The following ZDHHC5 variants were observed in gnomAD, a reference collection of about 807,000 sequenced individuals.
ZDHHC5 encodes the protein palmitoyltransferase ZDHHC5.
ZDHHC5 carries 22 observed loss-of-function variants against 70.0 expected under a neutral mutation model. The observed-to-expected ratio is 0.31, with a 90% CI of 0.22 to 0.45. The LOEUF is 0.45. ZDHHC5 is among the 20% of genes least tolerant of loss of function. ZDHHC5 has a pLI of 1.00. For missense variants in ZDHHC5, 746 were observed against 926.9 expected (o/e 0.80, Z 2.53); for synonymous variants, 313 against 347.8 (o/e 0.90, Z 1.11).
At chr11:57,685,080 A>G (rs1034502413) in intron 3 of ZDHHC5, among the ~76,000 whole-genome samples, 1 of 151,890 alleles carries the variant, frequency 6.6e-6, no homozygotes, top group African/African-American at 2.4e-5. Flanking sequence ...TGGGGGAGGC[A>G]GAGTTTGCAG....
intron 2 of ZDHHC5, 72 bp downstream of exon 2, chr11:57,673,266 C>T: frequency 6.6e-7 from 1 of 1,515,230 alleles, no homozygotes; most frequent in Non-Finnish European, 9.1e-7. Flanking sequence ...AACGCTTTCT[C>T]TTGAGTTTTG....
intron 7 of ZDHHC5, 24 bp downstream of exon 7, chr11:57,692,726 T>A: frequency 6.2e-7 from 1 of 1,611,940 alleles, no homozygotes; most frequent in Non-Finnish European, 8.5e-7. Flanking sequence ...TCTGGTCTAG[T>A]GTTTACCATT....
In ZDHHC5 at chr11:57,699,230, T is replaced by C; in HGVS notation, c.1794T>C (p.Thr598=). Residue 598 remains threonine (T), a synonymous_variant, in exon 11 of 12, where the codon ACT becomes ACC. Coordinates refer to ENST00000287169, the MANE Select transcript of ZDHHC5 (RefSeq NM_015457.3). Reference sequence around the variant, plus strand: ...CAAAGAGATCACCTTTGGGCAAGACTCCACTGGGACGCCCAGCTGTCCCCC... The same window carrying C: ...CAAAGAGATCACCTTTGGGCAAGACCCCACTGGGACGCCCAGCTGTCCCCC... The part of the protein sequence containing the change: ...DDSKRSPLGK[T]PLGRPAVPRF... 6.2e-7 allele frequency: 1 copy of C among 1,614,238 alleles called. No homozygotes were observed. The highest frequency in any genetic ancestry group is 8.5e-7 in the Non-Finnish European group (1 of 1,180,040).
chr11:57,698,439 T>C (rs550634358), intron 10 of ZDHHC5, 120 bp from the exon 11 acceptor site: 2 of 1,336,776 alleles, frequency 1.5e-6, no homozygotes, highest in African/African-American at 2.9e-5. Flanking sequence ...AGATAATGCA[T>C]GTAAGAGTTC....
At chr11:57,679,056 A>G (rs1345422160) in intron 2 of ZDHHC5, among the ~76,000 whole-genome samples, 1 of 152,088 alleles carries the variant, frequency 6.6e-6, no homozygotes. Context: ...GAACTTAACC[A>G]TTTTTTTGTA....
At chr11:57,678,902 C>T (rs1946109510) in intron 2 of ZDHHC5, among the ~76,000 whole-genome samples, 1 of 152,166 alleles carries the variant, frequency 6.6e-6, no homozygotes, top group Non-Finnish European at 1.5e-5. Context: ...CTTTCTCCTT[C>T]ATTCTCATGT....
At position 57,672,748 on chromosome 11, in the gene ZDHHC5, C is replaced by T. The variant is rs1323056161; in HGVS notation, c.-343C>T. On this transcript the variant is annotated 5_prime_UTR_variant, in exon 2 of 12. Coordinates refer to ENST00000287169, the MANE Select transcript of ZDHHC5 (RefSeq NM_015457.3). ...CTGTATCTTGATCTGTCTGACTGTC[C>T]ATGTTTTCCACCTGCAACCATTTGC... 1 of 236,660 alleles carries T rather than the reference C, an allele frequency of 4.2e-6. No individual in the cohort carries two copies. The highest frequency in any genetic ancestry group is 8.3e-6 in the Non-Finnish European group (1 of 120,482). 14.7% of individuals were successfully genotyped at this position (236,660 alleles called of 1,614,324 possible). A position where few individuals can be genotyped will look rare whatever the true frequency, so the allele number is the denominator to read the frequency against.
At chr11:57,696,706 C>G in intron 9 of ZDHHC5, 55 bp from the exon 10 acceptor site, 1 of 1,538,772 alleles carries the variant, frequency 6.5e-7, no homozygotes, top group East Asian at 2.3e-5. Flanking sequence ...GACCCTGTCT[C>G]TTAAACCAAA....
chr11:57,688,371 T>C, intron 3 of ZDHHC5, 137 bp from the exon 4 acceptor site: 4 of 1,014,342 alleles, frequency 3.9e-6, no homozygotes, highest in Admixed American at 4.0e-5. Context: ...CACAGTCTTA[T>C]AGTTCCTAGT....
Position 57,668,936 on chromosome 11 carries a change from G to A in ZDHHC5, c.-1071+749G>A, listed in dbSNP as rs375350768. ...GTTGCTAAAAGTTAGGAAGGCAGTT[G>A]TAGGATCACATATACGTTATACGCT... On this transcript the variant is annotated intron_variant, in intron 1 of 11. Transcript: ENST00000287169. 3.9e-5 allele frequency among the ~76,000 whole-genome samples: 6 copies of A among 152,352 alleles called. No individual in the cohort carries two copies. The East Asian group carries it at 9.6e-4, about 24-fold the overall frequency.
intron 3 of ZDHHC5, among the ~76,000 whole-genome samples, chr11:57,682,866 A>G (rs897211020): frequency 1.3e-5 from 2 of 152,190 alleles, no homozygotes; most frequent in Non-Finnish European, 2.9e-5. Flanking sequence ...GTTGGATGCT[A>G]TTTTTAGGTA....
At chr11:57,685,476 G>A (rs896253785) in intron 3 of ZDHHC5, among the ~76,000 whole-genome samples, 5 of 151,976 alleles carry the variant, frequency 3.3e-5, no homozygotes, top group Admixed American at 6.6e-5. Flanking sequence ...GCGAAACCCC[G>A]TCTCTACTAA....
Position 57,693,866 on chromosome 11 carries a change from C to G in ZDHHC5, c.836C>G (p.Thr279Ser), listed in dbSNP as rs375821487. The G allele has an allele frequency of 1.9e-6, 3 of 1,612,974 alleles. No homozygotes were observed. The African/African-American group carries it at 4.0e-5, about 22-fold the overall frequency. ...CCAGAAGTTTCAGATGGGCAGATAA[C>G]TGTGAAGATCATGGATAATGGCATC... ...LRPEVSDGQI[T>S]VKIMDNGIQG... is the part of the protein sequence containing the mutation. Residue 279 changes from threonine to serine, a missense_variant, in exon 8 of 12, where the codon ACT (threonine) becomes AGT (serine). Around this residue, in one of 6 missense-constraint regions of ZDHHC5, gnomAD observed 114 missense variants for 179.3 expected, o/e 0.64. Transcript: ENST00000287169.
In ZDHHC5 at chr11:57,693,771, C is replaced by G. The variant is rs1946315262; in HGVS notation, c.753-12C>G. 2 of 1,548,470 alleles carry G rather than the reference C, an allele frequency of 1.3e-6. No individual in the cohort carries two copies. The highest frequency in any genetic ancestry group is 1.7e-6 in the Non-Finnish European group (2 of 1,146,744). On this transcript the variant is annotated splice_polypyrimidine_tract_variant and intron_variant, in intron 7 of 11. Coordinates refer to ENST00000287169, the MANE Select transcript of ZDHHC5 (RefSeq NM_015457.3). ...TCGCTGTGTCTCTCTCTCTCTCTCT[C>G]TCGACACTTAGGTATTTGGGGAGAC...
chr11:57,680,718 TTCTC>T (rs1247969985), intron 2 of ZDHHC5, among the ~76,000 whole-genome samples: 1 of 152,212 alleles, frequency 6.6e-6, no homozygotes, highest in Non-Finnish European at 1.5e-5. Context: ...GGTTTTCAGT[TTCTC>T]TCCCTCCTTC....
Position 57,698,794 on chromosome 11 carries a change from C to T in ZDHHC5, c.1358C>T (p.Ser453Phe). The T allele has an allele frequency of 6.2e-7, 1 of 1,614,242 alleles. No individual in the cohort carries two copies. The highest frequency in any genetic ancestry group is 1.1e-5 in the South Asian group (1 of 91,084). ...LQSIRSEGTT[S>F]TSYKSLANQT... ...TCCATTCGTTCAGAGGGCACCACCTCCACCTCCTATAAGAGCCTGGCCAAC... is the reference window on the plus strand; with the variant it reads ...TCCATTCGTTCAGAGGGCACCACCTTCACCTCCTATAAGAGCCTGGCCAAC... The change falls in exon 11 of 12, where the codon TCC becomes TTC. Residue 453 changes from serine (S) to phenylalanine (F), a missense_variant. Physicochemically the swap from Ser to Phe is radical, Grantham distance 155. Coordinates refer to ENST00000287169, the MANE Select transcript of ZDHHC5 (RefSeq NM_015457.3).
intron 6 of ZDHHC5, among the ~76,000 whole-genome samples, chr11:57,690,791 T>C (rs149596918): frequency 5.1e-4 from 77 of 152,212 alleles, no homozygotes; most frequent in African/African-American, 1.7e-3. Flanking sequence ...AGGTGGGAAC[T>C]GAACAATGAG....
chr11:57,698,766 C>G lies in ZDHHC5; in HGVS notation c.1330C>G (p.Gln444Glu), dbSNP rs765413074. 7 of 1,614,082 alleles carry G rather than the reference C, an allele frequency of 4.3e-6. No individual in the cohort carries two copies. The highest frequency in any genetic ancestry group is 5.1e-6 in the Non-Finnish European group (6 of 1,180,036). Reference protein sequence around the residue: ...QGTGFELGQLQSIRSEGTTST... With the variant: ...QGTGFELGQLESIRSEGTTST... Reference sequence around the variant, plus strand: ...CACAGGCTTTGAGCTGGGCCAGTTGCAATCCATTCGTTCAGAGGGCACCAC... The same window carrying G: ...CACAGGCTTTGAGCTGGGCCAGTTGGAATCCATTCGTTCAGAGGGCACCAC... The change falls in exon 11 of 12, where the codon CAA (glutamine) becomes GAA (glutamate). Residue 444 changes from glutamine to glutamate, a missense_variant. Physicochemically the swap from Gln to Glu is conservative, Grantham distance 29. Coordinates refer to ENST00000287169, the MANE Select transcript of ZDHHC5 (RefSeq NM_015457.3).
intron 4 of ZDHHC5, among the ~76,000 whole-genome samples, chr11:57,688,940 G>A (rs549961): frequency 0.013 from 1,978 of 152,180 alleles, 65 homozygotes; most frequent in African/African-American, 0.044. Flanking sequence ...GTGTTGCTTG[G>A]ACTATCTCAA....
Sources: allele counts gnomAD v4.1 joint callset (sites outside exome capture counted in the v4.1 genomes callset), GRCh38; gene constraint gnomAD v4.1.1; regional missense constraint gnomAD v4.1.1; transcripts MANE v1.5; gene names NCBI Gene and HGNC (gene_info 2026-07-23, HGNC 2026-07-21).